The following CCDC91 variants were observed in gnomAD, a reference collection of about 807,000 sequenced individuals.
CCDC91 encodes coiled-coil domain-containing protein 91.
In CCDC91, 48 loss-of-function variants were observed where a neutral mutation model predicts 63.2. The ratio of observed to expected loss-of-function variants is 0.76; its 90% CI spans 0.60 to 0.97. The LOEUF (loss-of-function observed/expected upper bound fraction) is 0.97, where lower values mean the gene tolerates loss of function less well. CCDC91 is among the 50% of genes least tolerant of loss of function. The probability of loss-of-function intolerance (pLI) is 0.00; values close to 1 mark genes in which losing one functional copy is unlikely to be tolerated. For missense variants in CCDC91, 500 were observed against 494.6 expected, an observed-to-expected ratio of 1.01 and a Z score of -0.10; for synonymous variants, 167 against 165.8, an observed-to-expected ratio of 1.01 and a Z score of -0.06.
intron 3 of CCDC91, 34 bp from the exon 4 acceptor site, chr12:28,305,615 T>C (rs1165625927): frequency 1.3e-6 from 2 of 1,589,546 alleles, no homozygotes; most frequent in Non-Finnish European, 1.7e-6. Context: ...TCTTTAATAA[T>C]CCTATCCTTT....
At chr12:28,298,616 A>T (rs1245896454) in intron 3 of CCDC91, among the ~76,000 whole-genome samples, 1 of 151,012 alleles carries the variant, frequency 6.6e-6, no homozygotes, top group African/African-American at 2.4e-5. Flanking sequence ...TCTGCTATTT[A>T]AGAACTAGAG....
At chr12:28,300,102 G>A (rs1472522379) in intron 3 of CCDC91, among the ~76,000 whole-genome samples, 2 of 151,168 alleles carry the variant, frequency 1.3e-5, no homozygotes, top group African/African-American at 4.8e-5. Context: ...TCCTTGTGTT[G>A]TATCTATAAT....
chr12:28,226,765 A>T (rs1470825509), intron 1 of CCDC91, among the ~76,000 whole-genome samples: 2 of 151,998 alleles, frequency 1.3e-5, no homozygotes, highest in African/African-American at 4.8e-5. Flanking sequence ...GTTACTGTCT[A>T]GGTTATCATA....
At chr12:28,543,441 C>T (rs565922372) in intron 12 of CCDC91, among the ~76,000 whole-genome samples, 195 of 152,030 alleles carry the variant, frequency 1.3e-3, no homozygotes, top group African/African-American at 3.8e-3. Context: ...AGCTTGAAGC[C>T]GTGGTTTTTA....
At chr12:28,510,505 T>TC (rs1332307869) in intron 12 of CCDC91, among the ~76,000 whole-genome samples, 3 of 152,040 alleles carry the variant, frequency 2.0e-5, no homozygotes, top group Non-Finnish European at 4.4e-5. Context: ...TCCTTCGTAC[T>TC]CAGTCTTTTT....
intron 6 of CCDC91, among the ~76,000 whole-genome samples, chr12:28,339,636 T>G (rs1942271776): frequency 6.6e-6 from 1 of 152,160 alleles, no homozygotes; most frequent in African/African-American, 2.4e-5. Context: ...TGCAGAAGGA[T>G]ATGAAGAGAT....
chr12:28,289,831 A>G (rs1322073285), intron 3 of CCDC91, among the ~76,000 whole-genome samples: 1 of 151,532 alleles, frequency 6.6e-6, no homozygotes, highest in Non-Finnish European at 1.5e-5. Context: ...AGCTGGGACT[A>G]CAGATGCCCG....
At chr12:28,434,807 T>G (rs1324504015) in intron 8 of CCDC91, among the ~76,000 whole-genome samples, 1 of 151,620 alleles carries the variant, frequency 6.6e-6, no homozygotes, top group African/African-American at 2.4e-5. Context: ...TTAAATTTCT[T>G]TAATAAGTAT....
At chr12:28,429,950 T>C (rs1176824798) in intron 8 of CCDC91, among the ~76,000 whole-genome samples, 1 of 152,110 alleles carries the variant, frequency 6.6e-6, no homozygotes, top group Non-Finnish European at 1.5e-5. Flanking sequence ...TTTTGACCTT[T>C]TGTGATTTTG....
At chr12:28,517,758 A>G (rs1296995073) in intron 12 of CCDC91, among the ~76,000 whole-genome samples, 1 of 151,670 alleles carries the variant, frequency 6.6e-6, no homozygotes, top group Non-Finnish European at 1.5e-5. Context: ...CACTGCACCC[A>G]ATTTGTAGTC....
In CCDC91 at chr12:28,402,487, A is replaced by G. The variant is rs1262187240; in HGVS notation, c.762+11076A>G. The stretch of plus-strand genomic sequence containing the variant: ...TTTTTGTATATTATCCTTGTATTCT[A>G]CAAGTTTGCTGAATCACTTATTAGT... On this transcript the variant is annotated intron_variant, in intron 8 of 12. Transcript: ENST00000536442. Among the ~76,000 whole-genome samples the G allele has an allele frequency of 5.0e-5, 7 of 141,110 alleles. No homozygotes were observed. The South Asian group carries it at 1.6e-3, about 31-fold the overall frequency. The allele number at this position is 141,110 out of a possible 152,430, so 92.6% of individuals were successfully genotyped here. A position where few individuals can be genotyped will look rare whatever the true frequency, so the allele number is the denominator to read the frequency against.
At position 28,549,077 on chromosome 12, in the gene CCDC91, C is replaced by G; in HGVS notation, c.1230C>G (p.Ile410Met). ...AAATTAAACAGCTCGATCAAGTCAT[C>G]CGCCAAAGAAGCCTGTCCAGTTTGG... Reference protein sequence around the residue: ...IKEQKRLDQVIRQRSLSSLEL... With the variant: ...IKEQKRLDQVMRQRSLSSLEL... Residue 410 changes from isoleucine to methionine, a missense_variant, in exon 13 of 13, where the codon ATC (isoleucine) becomes ATG (methionine). Coordinates refer to ENST00000536442, the MANE Select transcript of CCDC91 (RefSeq NM_018318.5). 6.2e-7 allele frequency: 1 copy of G among 1,610,210 alleles called. No individual in the cohort carries two copies. Among genetic ancestry groups the G allele is most frequent in the Non-Finnish European group, 8.5e-7 (1 of 1,177,390 alleles).
intron 12 of CCDC91, among the ~76,000 whole-genome samples, chr12:28,530,035 G>T (rs1166296849): frequency 2.0e-5 from 3 of 152,168 alleles, no homozygotes; most frequent in Non-Finnish European, 4.4e-5. Flanking sequence ...GTGACAGATT[G>T]TATTTTCCAA....
chr12:28,321,095 T>C (rs146456408), intron 6 of CCDC91, among the ~76,000 whole-genome samples: 2 of 152,038 alleles, frequency 1.3e-5, no homozygotes, highest in East Asian at 3.9e-4. Context: ...AGAATGCTTA[T>C]GTATAGTAAA....
intron 6 of CCDC91, among the ~76,000 whole-genome samples, chr12:28,334,515 G>T (rs763497525): frequency 1.3e-5 from 2 of 151,974 alleles, no homozygotes; most frequent in African/African-American, 2.4e-5. Flanking sequence ...TCTGGGGAGG[G>T]GTTAGAAACC....
At chr12:28,426,012 C>T (rs1409051520) in intron 8 of CCDC91, among the ~76,000 whole-genome samples, 2 of 152,128 alleles carry the variant, frequency 1.3e-5, no homozygotes, top group African/African-American at 2.4e-5. Context: ...CTATTCTGCT[C>T]CTGTAGTCTG....
At chr12:28,527,124 C>G (rs1009308770) in intron 12 of CCDC91, among the ~76,000 whole-genome samples, 7 of 152,010 alleles carry the variant, frequency 4.6e-5, no homozygotes, top group African/African-American at 1.7e-4. Flanking sequence ...GGGATTTCTT[C>G]TTGGTCTGGA....
chr12:28,296,849 A>G (rs1195919047), intron 3 of CCDC91, among the ~76,000 whole-genome samples: 3 of 151,878 alleles, frequency 2.0e-5, no homozygotes, highest in Admixed American at 6.6e-5. Context: ...TTGTTTTTTC[A>G]TAACAGTGAT....
At position 28,288,937 on chromosome 12, in the gene CCDC91, C is replaced by T. The variant is rs1439463619; in HGVS notation, c.110-16712C>T. Among the ~76,000 whole-genome samples, 4 of 152,082 alleles carry T rather than the reference C, an allele frequency of 2.6e-5. No homozygotes were observed. The East Asian group carries it at 7.7e-4, about 29-fold the overall frequency. The stretch of plus-strand genomic sequence containing the variant: ...AGGGTGTATGTGTCCAGGAATTTAT[C>T]CATTTCTTCTAGATTTTCTAGTTTG... On this transcript the variant is annotated intron_variant, in intron 3 of 12. Transcript: ENST00000536442.
Sources: gnomAD v4.1 joint callset for allele counts (sites outside exome capture counted in the v4.1 genomes callset) on GRCh38, gnomAD v4.1.1 for gene constraint, MANE v1.5 for transcripts, NCBI Gene and HGNC (gene_info 2026-07-23, HGNC 2026-07-21) for gene names.